SV2B: variants seen among roughly 807,000 people sequenced by gnomAD.
The protein encoded by SV2B is solute carrier family 22 member B2.
In SV2B, 41 loss-of-function variants were observed where a neutral mutation model predicts 73.9. That is an observed-to-expected ratio of 0.56 (90% CI 0.43 to 0.72). The LOEUF (loss-of-function observed/expected upper bound fraction) is 0.72. Ranked by LOEUF, SV2B falls within the 30% of genes least tolerant of loss-of-function variation. SV2B has a pLI of 0.00. For synonymous variants in SV2B, 314 were observed against 314.2 expected, an observed-to-expected ratio of 1.00 and a Z score of 0.01; for missense variants, 764 against 857.8, an observed-to-expected ratio of 0.89 and a Z score of 1.37.
chr15:91,286,096 G>A (rs990010219), intron 11 of SV2B, among the ~76,000 whole-genome samples: 3 of 152,098 alleles, frequency 2.0e-5, no homozygotes, highest in Non-Finnish European at 2.9e-5. Context: ...TTGTTTCTGC[G>A]CTAGAGGCAA....
At chr15:91,276,781 T>C (rs945857718) in intron 9 of SV2B, among the ~76,000 whole-genome samples, 33 of 145,398 alleles carry the variant, frequency 2.3e-4, no homozygotes, top group African/African-American at 8.7e-4. Flanking sequence ...GCCTGATAGT[T>C]CCAGTATTTA....
chr15:91,152,370 G>C (rs778763446), intron 1 of SV2B, among the ~76,000 whole-genome samples: 66 of 152,248 alleles, frequency 4.3e-4, no homozygotes, highest in Admixed American at 9.8e-4. Flanking sequence ...TCGCAGCTGG[G>C]ATTTCCCAGC....
chr15:91,180,127 T>C lies in SV2B; in HGVS notation c.-391-45746T>C, dbSNP rs139884308. 3.5e-3 allele frequency among the ~76,000 whole-genome samples: 535 copies of C among 152,296 alleles called. 7 individuals are homozygous for C. Among genetic ancestry groups the C allele is most frequent in the African/African-American group, 0.012 (514 of 41,566 alleles). On this transcript the variant is annotated intron_variant, in intron 1 of 12. Coordinates refer to ENST00000394232, the MANE Select transcript of SV2B (RefSeq NM_001323032.3). ...TCTCAGCATTTGCTTGTTTGTAAAG[T>C]ATTTTTGTTTCTCATTCACTTATGA...
At chr15:91,291,173 G>A (rs1279746912) in intron 12 of SV2B, among the ~76,000 whole-genome samples, 1 of 149,798 alleles carries the variant, frequency 6.7e-6, no homozygotes, top group African/African-American at 2.4e-5. Flanking sequence ...TTACAAAAAC[G>A]TCAATTTTTA....
chr15:91,207,941 G>T (rs2141411482), intron 1 of SV2B, among the ~76,000 whole-genome samples: 1 of 152,324 alleles, frequency 6.6e-6, no homozygotes, highest in East Asian at 1.9e-4. Flanking sequence ...AGGTCAGAGA[G>T]TGACTTTCCC....
At chr15:91,167,236 G>A (rs1254265857) in intron 1 of SV2B, among the ~76,000 whole-genome samples, 1 of 152,056 alleles carries the variant, frequency 6.6e-6, no homozygotes, top group Admixed American at 6.5e-5. Flanking sequence ...TCAACATCTG[G>A]TCATTTTGGC....
Position 91,258,519 on chromosome 15 carries a change from A to T in SV2B, c.883A>T (p.Lys295Ter). 1 of 1,614,108 alleles carries T rather than the reference A, an allele frequency of 6.2e-7. No individual in the cohort carries two copies. Among genetic ancestry groups the T allele is most frequent in the Non-Finnish European group, 8.5e-7 (1 of 1,179,962 alleles). ...CTGCACCGTGTCCATGGTGGCCCTG[A>T]AGTTCATGCCAGAGAGCCCAAGGTT... ...LPCTVSMVAL[K>*]FMPESPRFLL... The change falls in exon 5 of 13, where the codon AAG (lysine) becomes TAG (stop). Residue 295 changes from lysine to a stop codon, truncating the protein, a stop_gained. Coordinates refer to ENST00000394232, the MANE Select transcript of SV2B (RefSeq NM_001323032.3). LOFTEE classifies it high-confidence loss of function. This position sits in a 1 kb window ranked among gnomAD's most constrained non-coding sequence, Gnocchi z 4.7.
chr15:91,246,747 CCTTCTT>C (rs564091861), intron 2 of SV2B, among the ~76,000 whole-genome samples: 3 of 145,962 alleles, frequency 2.1e-5, no homozygotes, highest in African/African-American at 8.0e-5. Flanking sequence ...TCCTCCTCCT[CCTTCTT>C]CTCCTCTTCC....
At position 91,268,369 on chromosome 15, in the gene SV2B, C is replaced by G. The variant is rs115896797; in HGVS notation, c.1209-72C>G. 1,287 of 1,451,338 alleles carry G rather than the reference C, an allele frequency of 8.9e-4. 13 individuals are homozygous for G. In the African/African-American group the frequency reaches 0.016, roughly 18 times the overall value. The allele number at this position is 1,451,338 out of a possible 1,614,324, so 89.9% of individuals were successfully genotyped here. Reference sequence around the variant, plus strand: ...TCAATGAGTTTGATCTGCATCAAGTCAAGAGTGTAGACCCTGATCATGAAA... The same window carrying G: ...TCAATGAGTTTGATCTGCATCAAGTGAAGAGTGTAGACCCTGATCATGAAA... On this transcript the variant is annotated intron_variant, in intron 8 of 12. Transcript: ENST00000394232. The surrounding 1 kb of genome is among the most constrained non-coding windows in gnomAD (Gnocchi z 4.4).
At chr15:91,270,680 T>C (rs2048261334) in intron 9 of SV2B, among the ~76,000 whole-genome samples, 1 of 152,242 alleles carries the variant, frequency 6.6e-6, no homozygotes, top group Admixed American at 6.5e-5. Context: ...TGATCCACTC[T>C]GTCATTTTAA....
chr15:91,197,570 A>C lies in SV2B; in HGVS notation c.-391-28303A>C, dbSNP rs138774673. 2.7e-3 allele frequency among the ~76,000 whole-genome samples: 416 copies of C among 152,050 alleles called. 4 individuals carry two copies. Among genetic ancestry groups the C allele is most frequent in the Admixed American group, 0.013 (197 of 15,278 alleles). ...AAAAAAAAACCAAACCAAACCAAAC[A>C]AAACAAAACAAAATCACTGTAAAGA... On this transcript the variant is annotated intron_variant, in intron 1 of 12. Transcript: ENST00000394232. The surrounding 1 kb of genome is among the most constrained non-coding windows in gnomAD (Gnocchi z 4.9).
chr15:91,239,666 T>A lies in SV2B; in HGVS notation c.452-12153T>A, dbSNP rs1170632162. 6.6e-6 allele frequency among the ~76,000 whole-genome samples: 1 copy of A among 152,146 alleles called. No individual in the cohort carries two copies. The highest frequency in any genetic ancestry group is 1.5e-5 in the Non-Finnish European group (1 of 68,014). On this transcript the variant is annotated intron_variant, in intron 2 of 12. Transcript: ENST00000394232. The surrounding 1 kb of genome is among the most constrained non-coding windows in gnomAD (Gnocchi z 5.1). ...AAACCAATCAGATAGAGTCTTTCAT[T>A]AGTATGGTTTCTTTTTTAGAAGGCA...
intron 2 of SV2B, among the ~76,000 whole-genome samples, chr15:91,233,313 A>C (rs1203616645): frequency 6.6e-6 from 1 of 152,224 alleles, no homozygotes; most frequent in Non-Finnish European, 1.5e-5. Context: ...GAAACTAATG[A>C]GTATAAAGAC....
At chr15:91,275,379 T>G (rs1044483187) in intron 9 of SV2B, among the ~76,000 whole-genome samples, 7 of 152,242 alleles carry the variant, frequency 4.6e-5, no homozygotes, top group African/African-American at 1.4e-4. Flanking sequence ...TCACTTTTAG[T>G]GTAAGAGCCT....
chr15:91,268,313 T>C lies in SV2B; in HGVS notation c.1209-128T>C. On this transcript the variant is annotated intron_variant, in intron 8 of 12. Transcript: ENST00000394232. The surrounding 1 kb of genome is among the most constrained non-coding windows in gnomAD (Gnocchi z 4.4). ...TAATATGAGGATTTATATTGTCAGATTTTCTAATAATGAACCAAATTAATG... is the reference window on the plus strand; with the variant it reads ...TAATATGAGGATTTATATTGTCAGACTTTCTAATAATGAACCAAATTAATG... The C allele has an allele frequency of 1.0e-6, 1 of 970,424 alleles. No individual in the cohort carries two copies. Among genetic ancestry groups the C allele is most frequent in the Non-Finnish European group, 1.5e-6 (1 of 675,282 alleles). The allele number at this position is 970,424 out of a possible 1,614,324, so 60.1% of individuals were successfully genotyped here.
intron 1 of SV2B, among the ~76,000 whole-genome samples, chr15:91,188,649 T>C (rs529625664): frequency 6.6e-6 from 1 of 151,974 alleles, no homozygotes; most frequent in South Asian, 2.1e-4. Context: ...AATATGTCAT[T>C]TGAATAGTGT....
chr15:91,272,828 C>CTT lies in SV2B; in HGVS notation c.1373+4246_1373+4247dup, dbSNP rs869274294. On this transcript the variant is annotated intron_variant, in intron 9 of 12. Coordinates refer to ENST00000394232, the MANE Select transcript of SV2B (RefSeq NM_001323032.3). ...AGGGGGGATAAATGAGCATATTCGT[C>CTT]TTTTTTTTTTTTTTTTTTTTTTTTG... 2.1e-3 allele frequency among the ~76,000 whole-genome samples: 191 copies of CTT among 92,820 alleles called. 2 individuals are homozygous for CTT. Among genetic ancestry groups the CTT allele is most frequent in the Non-Finnish European group, 2.8e-3 (136 of 48,624 alleles). The allele number at this position is 92,820 out of a possible 152,430, so 60.9% of individuals were successfully genotyped here. A position where few individuals can be genotyped will look rare whatever the true frequency, so the allele number is the denominator to read the frequency against.
At chr15:91,168,907 G>C (rs1015981274) in intron 1 of SV2B, among the ~76,000 whole-genome samples, 3 of 152,190 alleles carry the variant, frequency 2.0e-5, no homozygotes, top group African/African-American at 7.2e-5. Context: ...CAAGGATGCA[G>C]CTTTTGATAT....
At position 91,296,463 on chromosome 15, in the gene SV2B, A is replaced by ATTGGGAGCACACTCCTTCTGCCTGATCG. The variant is rs1469891454; in HGVS notation, c.*3928_*3955dup. 10 of 149,262 alleles carry ATTGGGAGCACACTCCTTCTGCCTGATCG rather than the reference A, an allele frequency of 6.7e-5. No homozygotes were observed. The highest frequency in any genetic ancestry group is 2.5e-4 in the African/African-American group (10 of 40,500). The allele number at this position is 149,262 out of a possible 1,614,324, so 9.2% of individuals were successfully genotyped here. On this transcript the variant is annotated 3_prime_UTR_variant, in exon 13 of 13. Transcript: ENST00000394232. Reference sequence around the variant, plus strand: ...GGGAGCACACTCCTTCTGCCCGATCATTGGGAGCACACTCCTTCTGCCTGA... The same window carrying ATTGGGAGCACACTCCTTCTGCCTGATCG: ...GGGAGCACACTCCTTCTGCCCGATCATTGGGAGCACACTCCTTCTGCCTGATCGTTGGGAGCACACTCCTTCTGCCTGA...
Sources: allele counts gnomAD v4.1 joint callset (sites outside exome capture counted in the v4.1 genomes callset), GRCh38; gene constraint gnomAD v4.1.1; non-coding constraint Gnocchi (gnomAD v3.1); transcripts MANE v1.5; gene names NCBI Gene and HGNC (gene_info 2026-07-23, HGNC 2026-07-21).